LONP2: variants seen among roughly 807,000 people sequenced by gnomAD.
The protein encoded by LONP2 is lon peptidase 2, peroxisomal.
LONP2 carries 60 observed loss-of-function variants against 85.6 expected under a neutral mutation model. The ratio of observed to expected loss-of-function variants is 0.70; its 90% CI spans 0.57 to 0.87. The LOEUF (loss-of-function observed/expected upper bound fraction) is 0.87. Ranked by LOEUF, LONP2 falls within the 40% of genes least tolerant of loss-of-function variation. LONP2 has a pLI of 0.00. For missense variants in LONP2, 860 were observed against 1,063.5 expected (o/e 0.81, Z 2.66); for synonymous variants, 395 against 389.7 (o/e 1.01, Z -0.16).
chr16:48,270,211 G>T lies in LONP2; in HGVS notation c.1178G>T (p.Gly393Val). Residue 393 changes from glycine to valine, a missense_variant, in exon 7 of 15, where the codon GGT becomes GTT. Gly to Val is a moderately radical substitution (Grantham distance 109, BLOSUM62 -3). Transcript: ENST00000285737. The part of the protein sequence containing the change: ...SVGRSVAKTL[G>V]REFHRIALGG... ...GGAAGATCAGTGGCCAAGACTCTAG[G>T]TCGAGAGTTCCACAGGATTGCACTT... 1.2e-6 allele frequency: 2 copies of T among 1,614,018 alleles called. No homozygotes were observed. The highest frequency in any genetic ancestry group is 2.2e-5 in the South Asian group (2 of 91,084).
rs1567358384 is a variant in LONP2 at position 48,354,000 on chromosome 16, T to TCA, written c.*2198_*2199insCA. Reference sequence around the variant, plus strand: ...CTAGCTTTGTTTTTGGTTTGTTTTGTTTTTTTTTTAATTCCAGGGGTGGGA... The same window carrying TCA: ...CTAGCTTTGTTTTTGGTTTGTTTTGTCATTTTTTTTTAATTCCAGGGGTGGGA... On this transcript the variant is annotated 3_prime_UTR_variant, in exon 15 of 15. Coordinates refer to ENST00000285737, the MANE Select transcript of LONP2 (RefSeq NM_031490.5). 1 of 139,736 alleles carries TCA rather than the reference T, an allele frequency of 7.2e-6. No individual in the cohort carries two copies. Among genetic ancestry groups the TCA allele is most frequent in the African/African-American group, 2.9e-5 (1 of 34,910 alleles). 8.7% of individuals were successfully genotyped at this position (139,736 alleles called of 1,614,324 possible).
intron 10 of LONP2, among the ~76,000 whole-genome samples, chr16:48,300,003 C>T (rs1011506099): frequency 2.0e-5 from 3 of 150,892 alleles, no homozygotes; most frequent in Non-Finnish European, 3.0e-5. Context: ...TATTGATTTA[C>T]ACCGTTCTCT....
intron 4 of LONP2, among the ~76,000 whole-genome samples, chr16:48,259,285 C>T (rs1971827057): frequency 6.6e-6 from 1 of 151,970 alleles, no homozygotes; most frequent in Admixed American, 6.6e-5. Flanking sequence ...ATTCTTTAAC[C>T]CATATATTAT....
intron 6 of LONP2, among the ~76,000 whole-genome samples, chr16:48,264,817 C>T (rs1971956239): frequency 6.6e-6 from 1 of 152,236 alleles, no homozygotes; most frequent in Admixed American, 6.5e-5. Flanking sequence ...CCACGTTCTT[C>T]TGCCATGGCT....
At chr16:48,342,962 T>C (rs1959858322) in intron 12 of LONP2, among the ~76,000 whole-genome samples, 1 of 152,172 alleles carries the variant, frequency 6.6e-6, no homozygotes. Context: ...CCTACAAAAT[T>C]CTTCATATCT....
chr16:48,263,394 T>C (rs1971918753), intron 6 of LONP2, among the ~76,000 whole-genome samples: 2 of 152,252 alleles, frequency 1.3e-5, no homozygotes, highest in Non-Finnish European at 2.9e-5. Context: ...TCTCCATTTC[T>C]ATGAGTTTCA....
rs187499462 is a variant in LONP2 at position 48,328,214 on chromosome 16, A to T, written c.1796-6002A>T. Among the ~76,000 whole-genome samples the T allele has an allele frequency of 8.5e-5, 13 of 152,252 alleles. No homozygotes were observed. In the South Asian group the frequency reaches 2.7e-3, roughly 32 times the overall value. On this transcript the variant is annotated intron_variant, in intron 11 of 14. Transcript: ENST00000285737. ...GACCTGAGGCCAGGAGTTCAAGACC[A>T]ACCTGGCCAACATAGTGAAACCCCG...
chr16:48,337,235 C>T (rs1959678998), intron 12 of LONP2, among the ~76,000 whole-genome samples: 1 of 152,194 alleles, frequency 6.6e-6, no homozygotes, highest in Admixed American at 6.5e-5. Flanking sequence ...CAAAATAATT[C>T]CTGCCCTTGT....
intron 6 of LONP2, among the ~76,000 whole-genome samples, chr16:48,264,293 A>G (rs983913672): frequency 3.3e-5 from 5 of 152,142 alleles, no homozygotes; most frequent in African/African-American, 9.7e-5. Flanking sequence ...AATCTCGACC[A>G]TAAGAGACAG....
At chr16:48,297,768 C>G (rs1163616137) in intron 9 of LONP2, among the ~76,000 whole-genome samples, 2 of 151,732 alleles carry the variant, frequency 1.3e-5, no homozygotes, top group African/African-American at 4.8e-5. Flanking sequence ...GGCACGATCT[C>G]AGCTCACTGC....
chr16:48,277,617 C>A, intron 8 of LONP2, 138 bp downstream of exon 8: 2 of 674,970 alleles, frequency 3.0e-6, no homozygotes, highest in East Asian at 3.3e-5. Flanking sequence ...GAGGTCTGAG[C>A]AATTTGGCAC....
downstream of LONP2, chr16:48,357,395 T>G (rs1170962304): frequency 6.6e-6 from 1 of 152,228 alleles, no homozygotes; most frequent in African/African-American, 2.4e-5. Context: ...AATACTCCTT[T>G]GTGCTTTGAA....
intron 6 of LONP2, among the ~76,000 whole-genome samples, chr16:48,265,797 A>C (rs58068024): frequency 2.6e-5 from 4 of 152,084 alleles, no homozygotes. Flanking sequence ...TGAACTTGTA[A>C]ATTGCTTTGA....
chr16:48,271,592 A>G (rs1473023308), intron 7 of LONP2, among the ~76,000 whole-genome samples: 5 of 152,152 alleles, frequency 3.3e-5, no homozygotes, highest in East Asian at 1.9e-4. Context: ...TTTAAAAAGT[A>G]TCATTACTGG....
intron 8 of LONP2, among the ~76,000 whole-genome samples, chr16:48,295,297 G>A (rs1419268919): frequency 6.6e-5 from 10 of 152,238 alleles, no homozygotes; most frequent in Admixed American, 3.3e-4. Flanking sequence ...GCTGGAACCC[G>A]GGAGGCGGAG....
chr16:48,359,074 G>A (rs118035897), downstream of LONP2, among the ~76,000 whole-genome samples: 3,573 of 152,150 alleles, frequency 0.023, 63 homozygotes, highest in Non-Finnish European at 0.039. Flanking sequence ...TGCAACCTCC[G>A]CTTCCTGGGT....
intron 11 of LONP2, among the ~76,000 whole-genome samples, chr16:48,318,845 T>C (rs1973201007): frequency 6.6e-6 from 1 of 152,210 alleles, no homozygotes; most frequent in Non-Finnish European, 1.5e-5. Context: ...CAGAGCTCTT[T>C]GTTGTGGCTT....
chr16:48,338,108 G>C (rs1046049475), intron 12 of LONP2, among the ~76,000 whole-genome samples: 1 of 151,854 alleles, frequency 6.6e-6, no homozygotes, highest in South Asian at 2.1e-4. Context: ...AAACCCAGCC[G>C]ATACCTTTTT....
chr16:48,302,509 G>A (rs74017903), intron 10 of LONP2, among the ~76,000 whole-genome samples: 2,084 of 152,264 alleles, frequency 0.014, 48 homozygotes, highest in African/African-American at 0.047. Flanking sequence ...ACTATATAAT[G>A]GTCTGTGGAA....
Sources: allele counts gnomAD v4.1 joint callset (sites outside exome capture counted in the v4.1 genomes callset), GRCh38; gene constraint gnomAD v4.1.1; transcripts MANE v1.5; gene names NCBI Gene and HGNC (gene_info 2026-07-23, HGNC 2026-07-21).